Variants in ZMYM2 observed in about 807,000 individuals in gnomAD.
ZMYM2 encodes the protein zinc finger MYM-type protein 2.
ZMYM2 carries 56 observed loss-of-function variants against 162.8 expected under a neutral mutation model. The observed-to-expected ratio is 0.34, with a 90% confidence interval of 0.28 to 0.43. The LOEUF is 0.43. Among genes scored for constraint, ZMYM2 ranks in the 20% least tolerant of loss-of-function variants. The probability of loss-of-function intolerance (pLI) is 1.00; values close to 1 mark genes in which losing one functional copy is unlikely to be tolerated. For missense variants in ZMYM2, 1,275 were observed against 1,621.8 expected, an observed-to-expected ratio of 0.79 and a Z score of 3.67; for synonymous variants, 510 against 541.6, an observed-to-expected ratio of 0.94 and a Z score of 0.81.
At chr13:19,869,425 A>C in the ZMYM2 span, among the ~76,000 whole-genome samples, 2 of 152,212 alleles carry the variant, frequency 1.3e-5, no homozygotes. Context: ...AGAGAAGGGC[A>C]TGTATGTAAA....
the ZMYM2 span, among the ~76,000 whole-genome samples, chr13:19,949,103 C>CA: frequency 0.38 from 57,032 of 148,772 alleles, 10,984 homozygotes; most frequent in African/African-American, 0.43. Flanking sequence ...CTTATCTTCA[C>CA]AAAAAAAAAA....
At chr13:20,019,829 G>T in intron 7 of ZMYM2, 1 of 522,034 alleles carries the variant, frequency 1.9e-6, no homozygotes, top group Non-Finnish European at 3.5e-6. Context: ...ATGCTCATTT[G>T]TCTTTAGTTA....
intron 2 of ZMYM2, among the ~76,000 whole-genome samples, chr13:19,983,577 ATTCT>A (rs1390491955): frequency 6.6e-6 from 1 of 152,060 alleles, no homozygotes; most frequent in African/African-American, 2.4e-5. Context: ...GCTTTTAATA[ATTCT>A]TTCTTCCTAT....
At chr13:19,979,762 G>A (rs768870302) in intron 2 of ZMYM2, among the ~76,000 whole-genome samples, 11 of 152,186 alleles carry the variant, frequency 7.2e-5, no homozygotes, top group Non-Finnish European at 2.9e-5. Flanking sequence ...GATGAGGAAT[G>A]AGGGATAGTG....
intron 2 of ZMYM2, among the ~76,000 whole-genome samples, chr13:19,981,299 AAAC>A (rs200271560): frequency 0.073 from 9,900 of 135,816 alleles, 403 homozygotes; most frequent in African/African-American, 0.13. Flanking sequence ...AAAAACAAAC[AAAC>A]AAAAAAAAAA....
chr13:20,082,809 C>G lies in ZMYM2; in HGVS notation c.3597C>G (p.Asp1199Glu). 1 of 1,610,950 alleles carries G rather than the reference C, an allele frequency of 6.2e-7. No homozygotes were observed. Among genetic ancestry groups the G allele is most frequent in the Non-Finnish European group, 8.5e-7 (1 of 1,177,838 alleles). ...CAATATTCTCTCGAGTTGAAGAAGA[C>G]TATCTCTGGAGGATAAAACAACTAG... ...DGSIFSRVEEDYLWRIKQLGS... is the reference protein window; with the variant it reads ...DGSIFSRVEEEYLWRIKQLGS... The change falls in exon 23 of 25, where the codon GAC becomes GAG. Residue 1199 changes from aspartate to glutamate, a missense_variant. Around this residue, in one of 10 missense-constraint regions of ZMYM2, gnomAD observed 103 missense variants for 192.2 expected, o/e 0.54. Transcript: ENST00000610343.
At chr13:19,879,021 C>T in the ZMYM2 span, among the ~76,000 whole-genome samples, 3 of 152,146 alleles carry the variant, frequency 2.0e-5, no homozygotes, top group Non-Finnish European at 2.9e-5. Context: ...AATTTTTTCT[C>T]CTGTTGACTG....
chr13:19,977,963 G>A (rs1474160770), intron 2 of ZMYM2, among the ~76,000 whole-genome samples: 2 of 148,614 alleles, frequency 1.3e-5, no homozygotes, highest in East Asian at 2.0e-4. Flanking sequence ...TGCAAGCCCC[G>A]CCTCCCGGGT....
chr13:19,970,963 C>CT (rs148745686), intron 2 of ZMYM2, among the ~76,000 whole-genome samples: 2 of 151,768 alleles, frequency 1.3e-5, no homozygotes, highest in Non-Finnish European at 2.9e-5. Context: ...GAAAAGGAGT[C>CT]TTTTCAGGCA....
chr13:19,886,821 TTTTTTAA>T, the ZMYM2 span, among the ~76,000 whole-genome samples: 1 of 151,592 alleles, frequency 6.6e-6, no homozygotes, highest in Non-Finnish European at 1.5e-5. Context: ...GGTTAATTTT[TTTTTTAA>T]TTTTTAATTT....
the ZMYM2 span, among the ~76,000 whole-genome samples, chr13:19,908,306 A>AC: frequency 6.6e-6 from 1 of 151,982 alleles, no homozygotes; most frequent in Admixed American, 6.6e-5. Context: ...AAACAAACAA[A>AC]AACCATTATT....
At chr13:19,951,424 T>G in the ZMYM2 span, among the ~76,000 whole-genome samples, 1 of 150,574 alleles carries the variant, frequency 6.6e-6, no homozygotes, top group Non-Finnish European at 1.5e-5. Context: ...ATGCGGTGGC[T>G]TACTCCTGTA....
chr13:19,898,510 G>A, the ZMYM2 span, among the ~76,000 whole-genome samples: 1 of 152,140 alleles, frequency 6.6e-6, no homozygotes, highest in African/African-American at 2.4e-5. Context: ...TGGGATTACA[G>A]GCGTGAGCCA....
intron 2 of ZMYM2, among the ~76,000 whole-genome samples, chr13:19,969,570 A>G (rs1956123269): frequency 1.3e-5 from 2 of 152,244 alleles, no homozygotes; most frequent in African/African-American, 4.8e-5. Context: ...AGGCAAAAGT[A>G]TAACTCAAGA....
the ZMYM2 span, among the ~76,000 whole-genome samples, chr13:19,892,797 C>T: frequency 3.3e-5 from 5 of 150,788 alleles, 1 homozygote; most frequent in African/African-American, 1.2e-4. Context: ...TCACTGCAAC[C>T]TCCGTGTCCT....
chr13:19,951,418 G>A, the ZMYM2 span, among the ~76,000 whole-genome samples: 28 of 151,436 alleles, frequency 1.8e-4, 1 homozygote, highest in Middle Eastern at 0.01. Flanking sequence ...GGCCAGATGC[G>A]GTGGCTTACT....
At chr13:19,871,048 T>C in the ZMYM2 span, among the ~76,000 whole-genome samples, 1 of 152,004 alleles carries the variant, frequency 6.6e-6, no homozygotes, top group Non-Finnish European at 1.5e-5. Flanking sequence ...TGTGGACATA[T>C]GTTAAAACTG....
intron 4 of ZMYM2, among the ~76,000 whole-genome samples, 178 bp from the exon 5 acceptor site, chr13:20,004,896 A>C (rs1437804880): frequency 1.3e-5 from 2 of 152,228 alleles, no homozygotes; most frequent in African/African-American, 4.8e-5. Flanking sequence ...TTTGCTTCTC[A>C]AAAGTCTTTA....
At chr13:19,982,186 C>G (rs1466674849) in intron 2 of ZMYM2, among the ~76,000 whole-genome samples, 1 of 151,724 alleles carries the variant, frequency 6.6e-6, no homozygotes, top group South Asian at 2.1e-4. Context: ...TTTACTTTCT[C>G]CAAAGATTAA....
Sources: allele counts gnomAD v4.1 joint callset (sites outside exome capture counted in the v4.1 genomes callset), GRCh38; gene constraint gnomAD v4.1.1; regional missense constraint gnomAD v4.1.1; transcripts MANE v1.5; gene names NCBI Gene and HGNC (gene_info 2026-07-23, HGNC 2026-07-21).